The following GRIK1 variants were observed in gnomAD, a reference collection of about 807,000 sequenced individuals.
GRIK1 encodes the protein glutamate receptor ionotropic, kainate 1.
In GRIK1, 69 loss-of-function variants were observed where a neutral mutation model predicts 105.7. The ratio of observed to expected loss-of-function variants is 0.65; its 90% CI spans 0.54 to 0.80. GRIK1 has a LOEUF of 0.80. GRIK1 is among the 30% of genes least tolerant of loss of function. GRIK1 has a pLI of 0.00. For synonymous variants in GRIK1, 438 were observed against 431.3 expected, an observed-to-expected ratio of 1.02 and a Z score of -0.19; for missense variants, 1,109 against 1,167.3, an observed-to-expected ratio of 0.95 and a Z score of 0.73.
At chr21:29,583,463 CA>C (rs2091065658) in intron 12 of GRIK1, among the ~76,000 whole-genome samples, 1 of 151,974 alleles carries the variant, frequency 6.6e-6, no homozygotes, top group Non-Finnish European at 1.5e-5. Context: ...TTTTTTCAAA[CA>C]GACCGTAAGA....
chr21:29,675,755 T>G (rs2063253249), intron 3 of GRIK1, among the ~76,000 whole-genome samples: 1 of 152,124 alleles, frequency 6.6e-6, no homozygotes, highest in Non-Finnish European at 1.5e-5. Context: ...TTACAGATTA[T>G]GAGCTAAGAC....
At chr21:29,691,602 A>C (rs1372540020) in intron 2 of GRIK1, among the ~76,000 whole-genome samples, 1 of 152,264 alleles carries the variant, frequency 6.6e-6, no homozygotes, top group Admixed American at 6.5e-5. Context: ...TAGGAATTAA[A>C]TAAGAGCTTA....
intron 1 of GRIK1, among the ~76,000 whole-genome samples, chr21:29,918,025 G>C (rs890710122): frequency 1.4e-4 from 22 of 152,092 alleles, no homozygotes; most frequent in African/African-American, 5.3e-4. Context: ...TAATAGATGA[G>C]TGGATAAATA....
At chr21:29,655,460 A>G (rs971986206) in intron 4 of GRIK1, among the ~76,000 whole-genome samples, 108 of 152,248 alleles carry the variant, frequency 7.1e-4, no homozygotes, top group African/African-American at 2.5e-3. Flanking sequence ...GGAGTTGTCC[A>G]TAATGCACAG....
At chr21:29,758,564 G>A (rs951905106) in intron 1 of GRIK1, among the ~76,000 whole-genome samples, 3 of 152,090 alleles carry the variant, frequency 2.0e-5, no homozygotes, top group African/African-American at 7.2e-5. Flanking sequence ...ATGAGATTTG[G>A]GTGGGCACAC....
chr21:29,595,340 G>GTTTTTTTTT (rs71191119), intron 9 of GRIK1, among the ~76,000 whole-genome samples: 7 of 136,974 alleles, frequency 5.1e-5, no homozygotes, highest in Non-Finnish European at 7.9e-5. Flanking sequence ...AGTGTAATAG[G>GTTTTTTTTT]TTTTTTTTTT....
At chr21:29,850,745 A>G (rs1050731581) in intron 1 of GRIK1, among the ~76,000 whole-genome samples, 3 of 152,178 alleles carry the variant, frequency 2.0e-5, no homozygotes, top group Non-Finnish European at 4.4e-5. Context: ...ATTTTATGTA[A>G]ACTCATAAGT....
chr21:29,556,884 A>C (rs2090270616), intron 15 of GRIK1, among the ~76,000 whole-genome samples: 1 of 152,226 alleles, frequency 6.6e-6, no homozygotes, highest in Non-Finnish European at 1.5e-5. Flanking sequence ...GAAAATTTGC[A>C]GATGTTGGTT....
intron 1 of GRIK1, among the ~76,000 whole-genome samples, chr21:29,731,904 G>A (rs1187332494): frequency 6.6e-6 from 1 of 152,124 alleles, no homozygotes; most frequent in Non-Finnish European, 1.5e-5. Flanking sequence ...TAAATTTGAT[G>A]TTTGTTCTTC....
intron 7 of GRIK1, among the ~76,000 whole-genome samples, chr21:29,634,465 T>C (rs1178464886): frequency 1.3e-5 from 2 of 152,212 alleles, no homozygotes; most frequent in African/African-American, 2.4e-5. Flanking sequence ...TAGTTTAAAA[T>C]TGAGTATTAG....
intron 1 of GRIK1, among the ~76,000 whole-genome samples, chr21:29,847,484 A>G (rs1033294388): frequency 3.3e-5 from 5 of 152,164 alleles, no homozygotes; most frequent in African/African-American, 1.2e-4. Flanking sequence ...CAGCCAAGCT[A>G]CTTAGCAGCT....
chr21:29,771,895 A>G (rs1356181596), intron 1 of GRIK1, among the ~76,000 whole-genome samples: 4 of 152,212 alleles, frequency 2.6e-5, no homozygotes, highest in African/African-American at 9.6e-5. Flanking sequence ...CTGTAAGGTC[A>G]CTGTATTCCT....
intron 16 of GRIK1, among the ~76,000 whole-genome samples, chr21:29,540,649 T>A (rs2089953796): frequency 6.6e-6 from 1 of 152,222 alleles, no homozygotes; most frequent in Non-Finnish European, 1.5e-5. Context: ...AGATTGAGCT[T>A]CTGAACTGGG....
chr21:29,751,255 A>G lies in GRIK1; in HGVS notation c.119-57192T>C, dbSNP rs527317483. ...GATACAACATTTGATTATATTTGAT[A>G]TATCTTATTTGATATACCTAATAAG... On this transcript the variant is annotated intron_variant, in intron 1 of 17. Transcript: ENST00000327783. 3.9e-4 allele frequency among the ~76,000 whole-genome samples: 59 copies of G among 152,318 alleles called. 1 individual carries two copies. The highest frequency in any genetic ancestry group is 7.1e-4 in the Non-Finnish European group (48 of 68,042).
At chr21:29,610,810 G>A (rs1057004320) in intron 7 of GRIK1, among the ~76,000 whole-genome samples, 1 of 152,120 alleles carries the variant, frequency 6.6e-6, no homozygotes, top group African/African-American at 2.4e-5. Flanking sequence ...AAAAAATTCT[G>A]GAGAAAGGAT....
chr21:29,605,976 A>C (rs989495190), intron 7 of GRIK1, among the ~76,000 whole-genome samples: 1 of 150,850 alleles, frequency 6.6e-6, no homozygotes, highest in Non-Finnish European at 1.5e-5. Flanking sequence ...TTAAGTGACT[A>C]TTCTATTTTT....
At chr21:29,630,364 T>C (rs770307099) in intron 7 of GRIK1, among the ~76,000 whole-genome samples, 9 of 152,188 alleles carry the variant, frequency 5.9e-5, no homozygotes, top group Non-Finnish European at 1.0e-4. Context: ...TGTCATTCTA[T>C]TGATTATGGC....
At chr21:29,846,170 C>G (rs940324133) in intron 1 of GRIK1, among the ~76,000 whole-genome samples, 1 of 149,476 alleles carries the variant, frequency 6.7e-6, no homozygotes, top group Non-Finnish European at 1.5e-5. Context: ...AGGGGCAGAT[C>G]ACCTGAGGTT....
chr21:29,930,029 C>T (rs917299715), intron 1 of GRIK1, among the ~76,000 whole-genome samples: 2 of 152,134 alleles, frequency 1.3e-5, no homozygotes, highest in African/African-American at 4.8e-5. Flanking sequence ...ATGAATAAAC[C>T]TGGATGACAT....
Sources: gnomAD v4.1 joint callset for allele counts (sites outside exome capture counted in the v4.1 genomes callset) on GRCh38, gnomAD v4.1.1 for gene constraint, MANE v1.5 for transcripts, NCBI Gene and HGNC (gene_info 2026-07-23, HGNC 2026-07-21) for gene names.